The following NDE1 variants were observed in gnomAD, a reference collection of about 807,000 sequenced individuals.
NDE1 encodes the protein nudE neurodevelopment protein 1, also known as nuclear distribution protein nudE homolog 1.
Under a neutral mutation model 43.4 loss-of-function variants are expected in NDE1, and 28 were observed. The ratio of observed to expected loss-of-function variants is 0.65; its 90% CI spans 0.48 to 0.89. The LOEUF (loss-of-function observed/expected upper bound fraction) is 0.89, where lower values mean the gene tolerates loss of function less well. NDE1 is among the 40% of genes least tolerant of loss of function. The pLI, the probability that NDE1 is intolerant of heterozygous loss-of-function variation, is 0.00. For missense variants in NDE1, 441 were observed against 434.1 expected (o/e 1.02, Z -0.14); for synonymous variants, 184 against 172.0 (o/e 1.07, Z -0.55).
intron 8 of NDE1, chr16:15,712,990 A>T (rs928495077): frequency 2.7e-5 from 4 of 150,556 alleles, no homozygotes; most frequent in Admixed American, 2.0e-4. Context: ...AGTAGCTGGA[A>T]CTATAGGCAT....
chr16:15,695,012 G>A, intron 7 of NDE1: 1 of 713,108 alleles, frequency 1.4e-6, no homozygotes, highest in Non-Finnish European at 1.7e-6. Flanking sequence ...GCCCCGACTT[G>A]GCCTCTACAA....
At chr16:15,660,781 C>G (rs1476810397) in intron 1 of NDE1, among the ~76,000 whole-genome samples, 1 of 152,156 alleles carries the variant, frequency 6.6e-6, no homozygotes, top group Non-Finnish European at 1.5e-5. Context: ...CCTTGTGACA[C>G]TGGAATGTTT....
At chr16:15,703,303 G>A in intron 8 of NDE1, 1 of 228,788 alleles carries the variant, frequency 4.4e-6, no homozygotes, top group Non-Finnish European at 8.7e-6. Context: ...AACCAGGAGA[G>A]GGGGAAAGAA....
At chr16:15,649,790 C>T (rs1344267748), upstream of NDE1, among the ~76,000 whole-genome samples, 2 of 152,194 alleles carry the variant, frequency 1.3e-5, no homozygotes, top group Non-Finnish European at 2.9e-5. Flanking sequence ...GCTGAAGATT[C>T]TACTTTTGGT....
At chr16:15,656,626 C>T (rs1169142295) in intron 1 of NDE1, among the ~76,000 whole-genome samples, 1 of 152,060 alleles carries the variant, frequency 6.6e-6, no homozygotes, top group East Asian at 1.9e-4. Context: ...CTGGAACCTC[C>T]ACCTCCCGGG....
intron 3 of NDE1, among the ~76,000 whole-genome samples, 154 bp downstream of exon 3, chr16:15,667,593 G>A (rs1339443460): frequency 6.7e-6 from 1 of 150,090 alleles, no homozygotes; most frequent in Non-Finnish European, 1.5e-5. Flanking sequence ...CGTGATCTTT[G>A]AACTCTTTGT....
chr16:15,653,426 T>A (rs2036600479), intron 1 of NDE1, among the ~76,000 whole-genome samples: 1 of 152,240 alleles, frequency 6.6e-6, no homozygotes, highest in African/African-American at 2.4e-5. Flanking sequence ...GCGTCCTGGC[T>A]GTCGGAGCAT....
chr16:15,721,228 C>A (rs894807080), intron 8 of NDE1: 2 of 932,630 alleles, frequency 2.1e-6, no homozygotes, highest in Non-Finnish European at 3.3e-6. Context: ...ATCCTCGGAC[C>A]CCCCAACTCA....
At chr16:15,721,762 G>T in intron 8 of NDE1, 2 of 902,946 alleles carry the variant, frequency 2.2e-6, no homozygotes, top group Non-Finnish European at 3.5e-6. Context: ...GTGTAGGTTA[G>T]CTATGGGAGT....
At chr16:15,708,078 T>G (rs2039562168) in intron 8 of NDE1, among the ~76,000 whole-genome samples, 1 of 151,812 alleles carries the variant, frequency 6.6e-6, no homozygotes, top group African/African-American at 2.4e-5. Context: ...TCCCTGAACA[T>G]GTACATGCCC....
chr16:15,650,684 G>C (rs2036455572), intron 1 of NDE1, among the ~76,000 whole-genome samples: 1 of 151,840 alleles, frequency 6.6e-6, no homozygotes, highest in South Asian at 2.1e-4. Flanking sequence ...CCGCTGCCAG[G>C]CTCCATCCTC....
At chr16:15,672,783 A>G (rs980898613) in intron 3 of NDE1, 3 of 152,194 alleles carry the variant, frequency 2.0e-5, no homozygotes, top group African/African-American at 7.2e-5. Context: ...TTAATGACTT[A>G]AGATCCTGTT....
intron 3 of NDE1, among the ~76,000 whole-genome samples, chr16:15,676,826 G>A (rs1332999147): frequency 1.3e-5 from 2 of 152,118 alleles, no homozygotes; most frequent in Non-Finnish European, 2.9e-5. Context: ...ACCATGCCCT[G>A]CTAGTTTTTA....
At chr16:15,694,037 G>C in intron 6 of NDE1, 128 bp from the exon 7 acceptor site, 2 of 1,104,628 alleles carry the variant, frequency 1.8e-6, no homozygotes, top group Non-Finnish European at 2.7e-6. Context: ...AAAGAAATAG[G>C]GTAGCTTTTG....
rs1330439565 is a variant in NDE1 at position 15,725,154 on chromosome 16, C to A, written c.*903C>A. On this transcript the variant is annotated 3_prime_UTR_variant, in exon 9 of 9. Transcript: ENST00000396354. Reference sequence around the variant, plus strand: ...TCTGATAAAAAAAAAAAAAAACACACACACACACAAAAAAAACAGAATCTG... The same window carrying A: ...TCTGATAAAAAAAAAAAAAAACACAAACACACACAAAAAAAACAGAATCTG... 4.6e-6 allele frequency: 3 copies of A among 648,878 alleles called. No individual in the cohort carries two copies. Among genetic ancestry groups the A allele is most frequent in the African/African-American group, 3.7e-5 (2 of 53,502 alleles). 40.2% of individuals were successfully genotyped at this position (648,878 alleles called of 1,614,324 possible). A position where few individuals can be genotyped will look rare whatever the true frequency, so the allele number is the denominator to read the frequency against.
chr16:15,686,960 G>A, intron 4 of NDE1: 1 of 984,396 alleles, frequency 1.0e-6, no homozygotes, highest in Non-Finnish European at 1.2e-6. Flanking sequence ...GCCTCCCAAA[G>A]GGCTGGGATT....
At chr16:15,650,540 C>T (rs1461748279) in intron 1 of NDE1, among the ~76,000 whole-genome samples, 2 of 152,244 alleles carry the variant, frequency 1.3e-5, no homozygotes, top group African/African-American at 2.4e-5. Context: ...GCCTTGCCAC[C>T]GGTGCGTTCC....
chr16:15,676,142 C>G (rs1316020753), intron 3 of NDE1, among the ~76,000 whole-genome samples: 1 of 150,872 alleles, frequency 6.6e-6, no homozygotes, highest in African/African-American at 2.4e-5. Context: ...CTCTGTCTCC[C>G]TTCCTCTCTC....
intron 8 of NDE1, chr16:15,717,721 G>A (rs1376852761): frequency 9.1e-6 from 3 of 328,954 alleles, no homozygotes; most frequent in Non-Finnish European, 5.7e-6. Flanking sequence ...CCTTGAACTT[G>A]GGAGGCAGAG....
Sources: gnomAD v4.1 joint callset for allele counts (sites outside exome capture counted in the v4.1 genomes callset) on GRCh38, gnomAD v4.1.1 for gene constraint, MANE v1.5 for transcripts, NCBI Gene and HGNC (gene_info 2026-07-23, HGNC 2026-07-21) for gene names.